PPM1E: variants seen among roughly 807,000 people sequenced by gnomAD.
The protein encoded by PPM1E is protein phosphatase, Mg2+/Mn2+ dependent 1E, also known as protein phosphatase 1E.
Under a neutral mutation model 65.9 loss-of-function variants are expected in PPM1E, and 20 were observed. The observed-to-expected ratio is 0.30, with a 90% CI of 0.21 to 0.44. The LOEUF (loss-of-function observed/expected upper bound fraction) is 0.44, where lower values mean the gene tolerates loss of function less well. Ranked by LOEUF, PPM1E falls within the 20% of genes least tolerant of loss-of-function variation. PPM1E has a pLI of 1.00. For missense variants in PPM1E, 713 were observed against 953.1 expected, an observed-to-expected ratio of 0.75 and a Z score of 3.32; for synonymous variants, 352 against 374.9, an observed-to-expected ratio of 0.94 and a Z score of 0.70.
intron 1 of PPM1E, among the ~76,000 whole-genome samples, chr17:58,875,568 GTTTAA>G (rs1209295232): frequency 6.6e-6 from 1 of 152,136 alleles, no homozygotes; most frequent in African/African-American, 2.4e-5. Context: ...TTTGTTAAGA[GTTTAA>G]TTTATTCTCC....
chr17:58,944,747 T>G (rs1341292555), intron 1 of PPM1E, among the ~76,000 whole-genome samples: 2 of 152,230 alleles, frequency 1.3e-5, no homozygotes, highest in Non-Finnish European at 2.9e-5. Flanking sequence ...TGATGGACAC[T>G]TGGTTGTTTT....
intron 1 of PPM1E, among the ~76,000 whole-genome samples, chr17:58,774,606 TA>T (rs2049974906): frequency 6.6e-6 from 1 of 152,150 alleles, no homozygotes; most frequent in Non-Finnish European, 1.5e-5. Context: ...AGTTTGTAAC[TA>T]ATAGTACTGT....
intron 1 of PPM1E, among the ~76,000 whole-genome samples, chr17:58,894,600 A>G (rs2051388962): frequency 6.6e-6 from 1 of 152,184 alleles, no homozygotes; most frequent in African/African-American, 2.4e-5. Flanking sequence ...TATTTTCAAG[A>G]AGGATCTTAG....
chr17:58,802,815 C>G lies in PPM1E; in HGVS notation c.464+46354C>G, dbSNP rs28808951. Reference sequence around the variant, plus strand: ...ATGTTACTGTAAGTGGGATTTTTATCTTCATTGTTTTCATGTAGTTCACTG... The same window carrying G: ...ATGTTACTGTAAGTGGGATTTTTATGTTCATTGTTTTCATGTAGTTCACTG... On this transcript the variant is annotated intron_variant, in intron 1 of 6. Coordinates refer to ENST00000308249, the MANE Select transcript of PPM1E (RefSeq NM_014906.5). Among the ~76,000 whole-genome samples the G allele has an allele frequency of 9.3e-4, 141 of 151,816 alleles. 1 individual carries two copies. Among genetic ancestry groups the G allele is most frequent in the African/African-American group, 3.3e-3 (138 of 41,450 alleles).
At chr17:58,883,794 T>C (rs990261556) in intron 1 of PPM1E, among the ~76,000 whole-genome samples, 1 of 152,130 alleles carries the variant, frequency 6.6e-6, no homozygotes, top group African/African-American at 2.4e-5. Flanking sequence ...CCGCTGCCTG[T>C]TCTTAAATAA....
chr17:58,956,896 A>C (rs182216355), intron 2 of PPM1E, among the ~76,000 whole-genome samples: 1 of 152,324 alleles, frequency 6.6e-6, no homozygotes, highest in East Asian at 1.9e-4. Context: ...AAAAGTAAAC[A>C]TTTCTGTTCT....
rs764234193 is a variant in PPM1E, at chr17:58,981,214, T to C, written c.*183T>C. The stretch of plus-strand genomic sequence containing the variant: ...AGTGTTTTCAATCTAAAAAGAAGTA[T>C]TGGCAGTTTCACTTGCAAAATTACA... On this transcript the variant is annotated 3_prime_UTR_variant, in exon 7 of 7. Coordinates refer to ENST00000308249, the MANE Select transcript of PPM1E (RefSeq NM_014906.5). 18 of 558,694 alleles carry C rather than the reference T, an allele frequency of 3.2e-5. No homozygotes were observed. The highest frequency in any genetic ancestry group is 4.9e-5 in the Non-Finnish European group (16 of 326,910). The allele number at this position is 558,694 out of a possible 1,614,324, so 34.6% of individuals were successfully genotyped here.
intron 1 of PPM1E, among the ~76,000 whole-genome samples, chr17:58,769,854 C>T (rs1427835762): frequency 6.6e-6 from 1 of 151,878 alleles, no homozygotes; most frequent in Non-Finnish European, 1.5e-5. Flanking sequence ...TGGCAAAACC[C>T]CGTCTCTACT....
At chr17:58,762,759 A>G (rs1001869849) in intron 1 of PPM1E, among the ~76,000 whole-genome samples, 4 of 151,828 alleles carry the variant, frequency 2.6e-5, no homozygotes, top group South Asian at 2.1e-4. Context: ...TTAGCCGGGC[A>G]TAGTGGCGGG....
chr17:58,937,879 C>CAAAAAAAAAA (rs1226139023), intron 1 of PPM1E, among the ~76,000 whole-genome samples: 27 of 82,586 alleles, frequency 3.3e-4, no homozygotes, highest in Non-Finnish European at 4.8e-4. Flanking sequence ...GACTCCATCT[C>CAAAAAAAAAA]AAAAAAAAAA....
intron 1 of PPM1E, among the ~76,000 whole-genome samples, chr17:58,938,910 G>A (rs553024237): frequency 2.0e-5 from 3 of 148,620 alleles, no homozygotes; most frequent in South Asian, 2.1e-4. Flanking sequence ...TGCCTCAGCC[G>A]CCAGAGTAGC....
chr17:58,977,692 C>T (rs1374682289), intron 6 of PPM1E, among the ~76,000 whole-genome samples: 1 of 152,134 alleles, frequency 6.6e-6, no homozygotes, highest in Non-Finnish European at 1.5e-5. Context: ...CCATAGGGTT[C>T]CTAATGAGCT....
intron 1 of PPM1E, among the ~76,000 whole-genome samples, chr17:58,913,968 A>G (rs571083544): frequency 3.3e-5 from 5 of 152,268 alleles, no homozygotes; most frequent in African/African-American, 1.2e-4. Context: ...CTGAGCAAGG[A>G]GAGTGTTATC....
chr17:58,837,835 C>A (rs887457731), intron 1 of PPM1E, among the ~76,000 whole-genome samples: 3 of 152,176 alleles, frequency 2.0e-5, no homozygotes, highest in Admixed American at 1.3e-4. Flanking sequence ...TACGCATTTG[C>A]TAATTTAGAC....
chr17:58,983,803 T>TA lies in PPM1E; in HGVS notation c.*2775dup, dbSNP rs2031545766. On this transcript the variant is annotated 3_prime_UTR_variant, in exon 7 of 7. Coordinates refer to ENST00000308249, the MANE Select transcript of PPM1E (RefSeq NM_014906.5). Reference sequence around the variant, plus strand: ...GGTCTGCATCAATCTGTTTGCCTGCTAAACAAGTTAGAATAGGAAATAGTA... The same window carrying TA: ...GGTCTGCATCAATCTGTTTGCCTGCTAAAACAAGTTAGAATAGGAAATAGTA... 1 of 152,650 alleles carries TA rather than the reference T, an allele frequency of 6.6e-6. No individual in the cohort carries two copies. The highest frequency in any genetic ancestry group is 1.5e-5 in the Non-Finnish European group (1 of 68,038). The allele number at this position is 152,650 out of a possible 1,614,324, so 9.5% of individuals were successfully genotyped here. A position where few individuals can be genotyped will look rare whatever the true frequency, so the allele number is the denominator to read the frequency against.
rs948307289 is a variant in PPM1E at position 58,983,840 on chromosome 17, A to G, written c.*2809A>G. 1 of 152,652 alleles carries G rather than the reference A, an allele frequency of 6.6e-6. No individual in the cohort carries two copies. The highest frequency in any genetic ancestry group is 1.9e-4 in the East Asian group (1 of 5,202). The allele number at this position is 152,652 out of a possible 1,614,324, so 9.5% of individuals were successfully genotyped here. A position where few individuals can be genotyped will look rare whatever the true frequency, so the allele number is the denominator to read the frequency against. On this transcript the variant is annotated 3_prime_UTR_variant, in exon 7 of 7. Transcript: ENST00000308249. ...AATAGGAAATAGTAAAATAAATCCA[A>G]ACAAGAGTGTAATATTGGTTAGGGA...
At chr17:58,952,022 A>G (rs866267042) in intron 1 of PPM1E, among the ~76,000 whole-genome samples, 2 of 152,016 alleles carry the variant, frequency 1.3e-5, no homozygotes, top group African/African-American at 2.4e-5. Flanking sequence ...AGATTTAGTC[A>G]TGTGGATGGG....
chr17:58,862,400 G>A (rs1057074478), intron 1 of PPM1E, among the ~76,000 whole-genome samples: 1 of 152,202 alleles, frequency 6.6e-6, no homozygotes, highest in Non-Finnish European at 1.5e-5. Context: ...GGTAAGATGA[G>A]TACCCCTGTT....
chr17:58,796,786 A>G (rs1366524091), intron 1 of PPM1E, among the ~76,000 whole-genome samples: 1 of 151,980 alleles, frequency 6.6e-6, no homozygotes, highest in African/African-American at 2.4e-5. Flanking sequence ...ACATCATTCT[A>G]TCCATTTTGT....
Sources: allele counts gnomAD v4.1 joint callset (sites outside exome capture counted in the v4.1 genomes callset), GRCh38; gene constraint gnomAD v4.1.1; transcripts MANE v1.5; gene names NCBI Gene and HGNC (gene_info 2026-07-23, HGNC 2026-07-21).